Variants in SFXN5 observed in about 807,000 individuals in gnomAD.
SFXN5 encodes sideroflexin-5.
In SFXN5, 43 loss-of-function variants were observed where a neutral mutation model predicts 50.2. That is an observed-to-expected ratio of 0.86 (90% CI 0.67 to 1.11). SFXN5 has a LOEUF of 1.11. Among genes scored for constraint, SFXN5 ranks in the 50% least tolerant of loss-of-function variants. SFXN5 has a pLI of 0.00. For synonymous variants in SFXN5, 203 were observed against 185.8 expected (o/e 1.09, Z -0.75); for missense variants, 463 against 454.1 (o/e 1.02, Z -0.18).
intron 13 of SFXN5, among the ~76,000 whole-genome samples, chr2:72,956,521 T>C (rs569972950): frequency 5.4e-4 from 81 of 149,860 alleles, no homozygotes; most frequent in South Asian, 1.9e-3. Context: ...TAGTGAGGTG[T>C]GGGTGGGCTG....
chr2:73,060,462 T>C (rs111454569), intron 1 of SFXN5, among the ~76,000 whole-genome samples: 1 of 152,020 alleles, frequency 6.6e-6, no homozygotes, highest in African/African-American at 2.4e-5. Flanking sequence ...GTCAATGTCA[T>C]AAAGACAAAG....
intron 2 of SFXN5, among the ~76,000 whole-genome samples, chr2:73,054,283 T>C (rs10201147): frequency 0.03 from 4,544 of 152,272 alleles, 223 homozygotes; most frequent in African/African-American, 0.1. Context: ...GAAAGGAACA[T>C]TGAAATTTGA....
chr2:73,065,954 C>G (rs556239327), intron 1 of SFXN5, among the ~76,000 whole-genome samples: 1 of 152,226 alleles, frequency 6.6e-6, no homozygotes, highest in African/African-American at 2.4e-5. Flanking sequence ...AACATGGTGT[C>G]TGGGCCGGAA....
At chr2:73,062,015 G>A (rs1008829703) in intron 1 of SFXN5, among the ~76,000 whole-genome samples, 6 of 152,140 alleles carry the variant, frequency 3.9e-5, no homozygotes, top group Non-Finnish European at 8.8e-5. Flanking sequence ...TACTTAGGAG[G>A]CTGAGGTAGG....
At chr2:73,022,853 CAA>C (rs2105838106) in intron 4 of SFXN5, among the ~76,000 whole-genome samples, 1 of 152,306 alleles carries the variant, frequency 6.6e-6, no homozygotes, top group Admixed American at 6.5e-5. Flanking sequence ...CAGTGGAGAG[CAA>C]AAGTCCATGG....
At chr2:72,948,511 G>C (rs1048049206) in intron 13 of SFXN5, among the ~76,000 whole-genome samples, 2 of 152,182 alleles carry the variant, frequency 1.3e-5, no homozygotes, top group African/African-American at 4.8e-5. Flanking sequence ...GCCATTATTA[G>C]CAACTTCCCA....
intron 3 of SFXN5, among the ~76,000 whole-genome samples, chr2:73,027,316 G>A (rs1316468100): frequency 1.3e-5 from 2 of 152,166 alleles, no homozygotes; most frequent in Non-Finnish European, 2.9e-5. Context: ...AAGTAAAAAT[G>A]TTTAAAAATA....
chr2:72,945,777 T>C lies in SFXN5; in HGVS notation c.946-678A>G, dbSNP rs1671867333. Among the ~76,000 whole-genome samples the C allele has an allele frequency of 6.6e-6, 1 of 151,708 alleles. No individual in the cohort carries two copies. The highest frequency in any genetic ancestry group is 1.5e-5 in the Non-Finnish European group (1 of 67,956). ...GAACCTGACCATGTAATGGAGACCC[T>C]CAAAATTCCCTGTCCTTGACTTTGG... On this transcript the variant is annotated intron_variant, in intron 13 of 13. Coordinates refer to ENST00000272433, the MANE Select transcript of SFXN5 (RefSeq NM_144579.3). This position sits in a 1 kb window ranked among gnomAD's most constrained non-coding sequence, Gnocchi z 5.8.
chr2:73,057,588 A>T (rs1207026422), intron 2 of SFXN5, among the ~76,000 whole-genome samples: 1 of 152,222 alleles, frequency 6.6e-6, no homozygotes, highest in East Asian at 1.9e-4. Context: ...GGAATTGATT[A>T]TAAAGAGGTA....
At chr2:73,046,732 T>C (rs2105952151) in intron 2 of SFXN5, among the ~76,000 whole-genome samples, 1 of 151,962 alleles carries the variant, frequency 6.6e-6, no homozygotes, top group East Asian at 1.9e-4. Flanking sequence ...CCAAAATGTA[T>C]GCAGATGGAC....
At chr2:72,989,201 G>T (rs924768443) in intron 9 of SFXN5, among the ~76,000 whole-genome samples, 1 of 151,954 alleles carries the variant, frequency 6.6e-6, no homozygotes, top group Non-Finnish European at 1.5e-5. Flanking sequence ...CAGATCCTCC[G>T]TGAGCCTTCC....
intron 13 of SFXN5, chr2:72,957,139 T>A (rs1441969551): frequency 2.2e-6 from 1 of 449,724 alleles, no homozygotes; most frequent in Admixed American, 2.4e-5. Flanking sequence ...CAGCTTCAAC[T>A]CCCCCCCATA....
intron 12 of SFXN5, among the ~76,000 whole-genome samples, chr2:72,965,467 G>C (rs993979533): frequency 6.6e-6 from 1 of 152,182 alleles, no homozygotes; most frequent in Non-Finnish European, 1.5e-5. Context: ...TCGCGATAAG[G>C]CAGGGGTCTA....
intron 6 of SFXN5, among the ~76,000 whole-genome samples, chr2:73,016,662 C>G (rs1676194166): frequency 6.6e-6 from 1 of 152,112 alleles, no homozygotes; most frequent in Non-Finnish European, 1.5e-5. Context: ...AGAGATCATG[C>G]CACTGCGCTC....
At chr2:73,039,143 G>C (rs1178018430) in intron 3 of SFXN5, among the ~76,000 whole-genome samples, 1 of 152,134 alleles carries the variant, frequency 6.6e-6, no homozygotes, top group Admixed American at 6.6e-5. Context: ...GGCCAGGATG[G>C]TCTCGAACTC....
At chr2:73,001,967 C>T (rs1428588534) in intron 6 of SFXN5, among the ~76,000 whole-genome samples, 1 of 152,142 alleles carries the variant, frequency 6.6e-6, no homozygotes, top group Non-Finnish European at 1.5e-5. Flanking sequence ...ATTATTTCCA[C>T]AATTAGGGGG....
chr2:72,965,736 G>A (rs115754096), intron 12 of SFXN5, among the ~76,000 whole-genome samples: 154 of 152,272 alleles, frequency 1.0e-3, no homozygotes, highest in African/African-American at 3.6e-3. Context: ...CCAAAGCCAA[G>A]TTTAAGCCCC....
intron 10 of SFXN5, among the ~76,000 whole-genome samples, chr2:72,984,356 G>GCA (rs900241875): frequency 4.6e-5 from 7 of 152,210 alleles, no homozygotes; most frequent in East Asian, 1.9e-4. Context: ...ACAGGCGTGT[G>GCA]CACACACACA....
intron 13 of SFXN5, among the ~76,000 whole-genome samples, chr2:72,955,310 C>T (rs1187303521): frequency 1.3e-5 from 2 of 152,220 alleles, no homozygotes; most frequent in African/African-American, 4.8e-5. Flanking sequence ...CGCAGTAATC[C>T]CGCTGCACAG....
Sources: allele counts gnomAD v4.1 joint callset (sites outside exome capture counted in the v4.1 genomes callset), GRCh38; gene constraint gnomAD v4.1.1; non-coding constraint Gnocchi (gnomAD v3.1); transcripts MANE v1.5; gene names NCBI Gene and HGNC (gene_info 2026-07-23, HGNC 2026-07-21).